The following PREX1 variants were observed in gnomAD, a reference collection of about 807,000 sequenced individuals.
PREX1 encodes phosphatidylinositol-3,4,5-trisphosphate dependent Rac exchange factor 1, also known as phosphatidylinositol 3,4,5-trisphosphate-dependent Rac exchanger 1 protein.
Under a neutral mutation model 198.3 loss-of-function variants are expected in PREX1, and 41 were observed. The ratio of observed to expected loss-of-function variants is 0.21; its 90% CI spans 0.16 to 0.27. The LOEUF (loss-of-function observed/expected upper bound fraction) is 0.27, where lower values mean the gene tolerates loss of function less well. Ranked by LOEUF, PREX1 falls within the 10% of genes least tolerant of loss-of-function variation. The pLI, the probability that PREX1 is intolerant of heterozygous loss-of-function variation, is 1.00. For missense variants in PREX1, 1,620 were observed against 2,200.7 expected (o/e 0.74, Z 5.28); for synonymous variants, 843 against 887.2 (o/e 0.95, Z 0.89).
chr20:48,727,928 T>C (rs1218418473), intron 4 of PREX1, among the ~76,000 whole-genome samples: 2 of 152,190 alleles, frequency 1.3e-5, no homozygotes, highest in Non-Finnish European at 2.9e-5. Flanking sequence ...AACCATGAGT[T>C]CTGCTGTGTT....
Position 48,730,413 on chromosome 20 carries a change from C to CCACACA in PREX1, c.520-4028_520-4023dup, listed in dbSNP as rs71827793. On this transcript the variant is annotated intron_variant, in intron 4 of 39. Transcript: ENST00000371941. Reference sequence around the variant, plus strand: ...CAGACATCATGCTGCGCAAAAGCCACCACACACACACACACACACACACAC... The same window carrying CCACACA: ...CAGACATCATGCTGCGCAAAAGCCACCACACACACACACACACACACACACACACAC... 4.5e-3 allele frequency among the ~76,000 whole-genome samples: 655 copies of CCACACA among 146,788 alleles called. 2 individuals are homozygous for CCACACA. Among genetic ancestry groups the CCACACA allele is most frequent in the Non-Finnish European group, 7.2e-3 (477 of 66,240 alleles).
chr20:48,852,186 C>T, the PREX1 span, among the ~76,000 whole-genome samples: 1 of 151,928 alleles, frequency 6.6e-6, no homozygotes, highest in African/African-American at 2.4e-5. Context: ...ACCATGTCAC[C>T]CAGGACCCCA....
chr20:48,828,319 C>T (rs1282999856), upstream of PREX1, among the ~76,000 whole-genome samples: 1 of 151,704 alleles, frequency 6.6e-6, no homozygotes, highest in Non-Finnish European at 1.5e-5. Flanking sequence ...GGACGCGTGG[C>T]GCCCCCCCAA....
At chr20:48,710,506 G>A (rs931760243) in intron 5 of PREX1, among the ~76,000 whole-genome samples, 5 of 152,132 alleles carry the variant, frequency 3.3e-5, no homozygotes, top group Non-Finnish European at 4.4e-5. Context: ...TATTCTTCTC[G>A]ATTGGCAGAT....
At chr20:48,846,284 T>C in the PREX1 span, among the ~76,000 whole-genome samples, 1 of 152,130 alleles carries the variant, frequency 6.6e-6, no homozygotes, top group African/African-American at 2.4e-5. Flanking sequence ...AGGGGAGAAG[T>C]GCAAGGGAGG....
At chr20:48,746,809 T>C (rs2090109698) in intron 2 of PREX1, among the ~76,000 whole-genome samples, 1 of 152,068 alleles carries the variant, frequency 6.6e-6, no homozygotes, top group Admixed American at 6.5e-5. Flanking sequence ...CTTAAAATTA[T>C]AATAAATAAT....
chr20:48,772,053 G>A (rs2090238482), intron 1 of PREX1, among the ~76,000 whole-genome samples: 1 of 152,038 alleles, frequency 6.6e-6, no homozygotes, highest in Non-Finnish European at 1.5e-5. Flanking sequence ...AATTAGCTAG[G>A]CGTGGTGGCG....
At chr20:48,848,448 C>A in the PREX1 span, among the ~76,000 whole-genome samples, 1 of 151,714 alleles carries the variant, frequency 6.6e-6, no homozygotes, top group African/African-American at 2.4e-5. Context: ...GTAGACAGAG[C>A]ATTTTGCCAT....
intron 4 of PREX1, among the ~76,000 whole-genome samples, chr20:48,730,110 T>C (rs1210034990): frequency 6.6e-6 from 1 of 151,968 alleles, no homozygotes. Context: ...ATTTCAGACT[T>C]CTGGCCTCCA....
intron 1 of PREX1, among the ~76,000 whole-genome samples, chr20:48,753,669 C>G (rs1055487384): frequency 2.0e-5 from 3 of 152,176 alleles, no homozygotes; most frequent in African/African-American, 7.2e-5. Flanking sequence ...TCTTCTCACC[C>G]CACTGGCTCA....
chr20:48,793,641 G>C (rs1194538466), intron 1 of PREX1, among the ~76,000 whole-genome samples: 1 of 152,214 alleles, frequency 6.6e-6, no homozygotes, highest in Non-Finnish European at 1.5e-5. Context: ...ACAGCCATAG[G>C]GATCTGGATT....
chr20:48,703,561 G>A (rs2041817667), intron 6 of PREX1, among the ~76,000 whole-genome samples: 1 of 152,222 alleles, frequency 6.6e-6, no homozygotes, highest in African/African-American at 2.4e-5. Context: ...GAGCCCACGT[G>A]CCTCCCCTTC....
At position 48,738,267 on chromosome 20, in the gene PREX1, C is replaced by A. The variant is rs151284920; in HGVS notation, c.415-3617G>T. Among the ~76,000 whole-genome samples, 3 of 152,294 alleles carry A rather than the reference C, an allele frequency of 2.0e-5. No individual in the cohort carries two copies. The East Asian group carries it at 5.8e-4, about 29-fold the overall frequency. ...GCTGTGATTGATTAGGAATGTCTGC[C>A]ACAGGTGCAGGAGAGGGGGTAACAA... On this transcript the variant is annotated intron_variant, in intron 3 of 39. Transcript: ENST00000371941.
chr20:48,796,812 A>T (rs2090365122), intron 1 of PREX1, among the ~76,000 whole-genome samples: 1 of 151,120 alleles, frequency 6.6e-6, no homozygotes, highest in African/African-American at 2.4e-5. Context: ...ATACACATGT[A>T]TAGCTGTAAC....
At chr20:48,830,802 CA>C (rs2090535647), upstream of PREX1, among the ~76,000 whole-genome samples, 1 of 152,200 alleles carries the variant, frequency 6.6e-6, no homozygotes, top group Admixed American at 6.5e-5. Context: ...TCAGTACCTA[CA>C]TCATAAAGTC....
rs1037011344 is a variant in PREX1 at position 48,666,536 on chromosome 20, A to ATTT, written c.1666-184_1666-182dup. 6.8e-6 allele frequency among the ~76,000 whole-genome samples: 1 copy of ATTT among 146,840 alleles called. No individual in the cohort carries two copies. The highest frequency in any genetic ancestry group is 2.5e-5 in the African/African-American group (1 of 39,320). ...ATTATTATTTTTTATTATTATTATT[A>ATTT]TTTTTTTGAGACAGAGTCTCACTCT... On this transcript the variant is annotated intron_variant, in intron 14 of 39. Coordinates refer to ENST00000371941, the MANE Select transcript of PREX1 (RefSeq NM_020820.4). This position sits in a 1 kb window ranked among gnomAD's most constrained non-coding sequence, Gnocchi z 4.3.
chr20:48,713,367 G>T (rs968428998), intron 5 of PREX1, among the ~76,000 whole-genome samples: 1 of 151,624 alleles, frequency 6.6e-6, no homozygotes, highest in Non-Finnish European at 1.5e-5. Context: ...CAGGAGAATC[G>T]CTTGAACCCG....
chr20:48,766,618 C>G (rs2090209340), intron 1 of PREX1, among the ~76,000 whole-genome samples: 2 of 152,234 alleles, frequency 1.3e-5, no homozygotes, highest in African/African-American at 4.8e-5. Flanking sequence ...TCCCTGCCCT[C>G]CCCAGTGAGA....
In PREX1 at chr20:48,681,467, A is replaced by T; in HGVS notation, c.1335-132T>A. 3.7e-6 allele frequency: 3 copies of T among 816,086 alleles called. No individual in the cohort carries two copies. The South Asian group carries it at 4.1e-5, about 11-fold the overall frequency. The allele number at this position is 816,086 out of a possible 1,614,324, so 50.6% of individuals were successfully genotyped here. ...AACTTCCCACAGGGAAGCCGAGTGT[A>T]GTAGTCTATAGCCCTTGGGGTTGTA... On this transcript the variant is annotated intron_variant, in intron 10 of 39. Coordinates refer to ENST00000371941, the MANE Select transcript of PREX1 (RefSeq NM_020820.4).
Sources: allele counts gnomAD v4.1 joint callset (sites outside exome capture counted in the v4.1 genomes callset), GRCh38; gene constraint gnomAD v4.1.1; non-coding constraint Gnocchi (gnomAD v3.1); transcripts MANE v1.5; gene names NCBI Gene and HGNC (gene_info 2026-07-23, HGNC 2026-07-21).